The following POFUT1 variants were observed in gnomAD, a reference collection of about 807,000 sequenced individuals.
POFUT1 encodes the protein protein O-fucosyltransferase 1.
Under a neutral mutation model 42.4 loss-of-function variants are expected in POFUT1, and 16 were observed. The observed-to-expected ratio is 0.38, with a 90% confidence interval of 0.26 to 0.57. The LOEUF is 0.57. POFUT1 is among the 20% of genes least tolerant of loss of function. The pLI is 0.71. For missense variants in POFUT1, 470 were observed against 504.6 expected, an observed-to-expected ratio of 0.93 and a Z score of 0.66; for synonymous variants, 206 against 205.4, an observed-to-expected ratio of 1.00 and a Z score of -0.03.
intron 2 of POFUT1, 63 bp from the exon 3 acceptor site, chr20:32,215,201 TTTTAA>T: frequency 7.7e-7 from 1 of 1,301,796 alleles, no homozygotes; most frequent in East Asian, 2.3e-5. Flanking sequence ...GAGTGTATTG[TTTTAA>T]TAAATGTCTA....
Position 32,231,419 on chromosome 20 carries a change from C to T in POFUT1, c.978+358C>T, listed in dbSNP as rs2047443173. ...GGGTCCAAGGCTGACTCACTGTTAA[C>T]ATTCCTTGATGTCTAGCCTGGTGCT... On this transcript the variant is annotated intron_variant, in intron 6 of 6. Coordinates refer to ENST00000375749, the MANE Select transcript of POFUT1 (RefSeq NM_015352.2). The T allele has an allele frequency of 1.3e-5, 4 of 307,588 alleles. No individual in the cohort carries two copies. In the Admixed American group the frequency reaches 1.4e-4, roughly 11 times the overall value. The allele number at this position is 307,588 out of a possible 1,614,324, so 19.1% of individuals were successfully genotyped here. A position where few individuals can be genotyped will look rare whatever the true frequency, so the allele number is the denominator to read the frequency against.
chr20:32,218,402 G>A (rs1022513238), intron 4 of POFUT1, among the ~76,000 whole-genome samples: 20 of 152,172 alleles, frequency 1.3e-4, no homozygotes, highest in African/African-American at 3.9e-4. Flanking sequence ...GCCTCCCAAA[G>A]TGCTGGGATT....
chr20:32,236,582 G>A lies in POFUT1; in HGVS notation c.*1921G>A, dbSNP rs1001782811. 2.0e-5 allele frequency: 3 copies of A among 152,204 alleles called. No individual in the cohort carries two copies. Among genetic ancestry groups the A allele is most frequent in the African/African-American group, 7.2e-5 (3 of 41,446 alleles). 9.4% of individuals were successfully genotyped at this position (152,204 alleles called of 1,614,324 possible). On this transcript the variant is annotated 3_prime_UTR_variant, in exon 7 of 7. Coordinates refer to ENST00000375749, the MANE Select transcript of POFUT1 (RefSeq NM_015352.2). ...CTAGCAAAATTCAGTTGTGTTCTGT[G>A]AGCTAGCACTTTTTCCTCTGACCCA...
chr20:32,231,104 A>T, intron 6 of POFUT1, 43 bp downstream of exon 6: 1 of 1,609,940 alleles, frequency 6.2e-7, no homozygotes. Flanking sequence ...AGGGAATGAA[A>T]GGAGGAGCCA....
At chr20:32,228,219 T>C (rs758323766) in intron 4 of POFUT1, 44 bp from the exon 5 acceptor site, 1 of 1,543,182 alleles carries the variant, frequency 6.5e-7, no homozygotes. Flanking sequence ...GCAGCCAGGC[T>C]CTCTGTGCGT....
chr20:32,219,869 T>C (rs1386894839), intron 4 of POFUT1, among the ~76,000 whole-genome samples: 2 of 152,244 alleles, frequency 1.3e-5, no homozygotes, highest in Non-Finnish European at 2.9e-5. Flanking sequence ...TTTTGGGTTT[T>C]CATTTTTCCG....
intron 6 of POFUT1, 92 bp downstream of exon 6, chr20:32,231,153 C>T: frequency 1.4e-6 from 2 of 1,421,800 alleles, no homozygotes; most frequent in Non-Finnish European, 2.0e-6. Context: ...CACGGGCTCC[C>T]CTACAAGCCT....
At chr20:32,211,586 A>G (rs1232009158) in intron 2 of POFUT1, among the ~76,000 whole-genome samples, 1 of 152,114 alleles carries the variant, frequency 6.6e-6, no homozygotes, top group Non-Finnish European at 1.5e-5. Flanking sequence ...TCACTATTAC[A>G]GTGTAGACAT....
intron 2 of POFUT1, among the ~76,000 whole-genome samples, chr20:32,213,663 C>T (rs1378922002): frequency 2.6e-5 from 4 of 151,842 alleles, no homozygotes; most frequent in Non-Finnish European, 4.4e-5. Flanking sequence ...CCCAGCTACT[C>T]GGGAGGCTGA....
chr20:32,212,054 T>G (rs1255565865), intron 2 of POFUT1, among the ~76,000 whole-genome samples: 1 of 152,208 alleles, frequency 6.6e-6, no homozygotes, highest in Non-Finnish European at 1.5e-5. Flanking sequence ...GAGATGGTTA[T>G]ATTCCTACCT....
chr20:32,212,178 C>G (rs2047332751), intron 2 of POFUT1, among the ~76,000 whole-genome samples: 2 of 152,144 alleles, frequency 1.3e-5, no homozygotes, highest in African/African-American at 2.4e-5. Context: ...CTATAAATAT[C>G]TGTTGACTCC....
chr20:32,223,845 T>A, intron 4 of POFUT1: 1 of 242,164 alleles, frequency 4.1e-6, no homozygotes, highest in Non-Finnish European at 6.7e-6. Context: ...GGGTAGTAGT[T>A]AAGAACATAG....
Position 32,231,001 on chromosome 20 carries a change from C to T in POFUT1, c.918C>T (p.Val306=). 6.2e-7 allele frequency: 1 copy of T among 1,614,176 alleles called. No homozygotes were observed. The highest frequency in any genetic ancestry group is 1.3e-5 in the African/African-American group (1 of 75,050). ...LWVRSLDAQS[V]YVATDSESYV... ...TGAGGTCGCTGGATGCCCAGTCGGT[C>T]TACGTTGCTACTGATTCCGAGAGTT... Residue 306 remains valine (V), a synonymous_variant, in exon 6 of 7, where the codon GTC becomes GTT. Transcript: ENST00000375749.
rs1413092195 is a variant in POFUT1 at position 32,234,509 on chromosome 20, G to A, written c.1015G>A (p.Val339Ile). ...VVSLKPEVAQ[V>I]DLYILGQADH... ...GAGCCTGAAGCCTGAGGTGGCCCAG[G>A]TCGACCTGTACATCCTCGGCCAAGC... The change falls in exon 7 of 7, where the codon GTC (valine) becomes ATC (isoleucine). Residue 339 changes from valine to isoleucine, a missense_variant. By Grantham distance (29) the Val-to-Ile change is conservative (BLOSUM62 3). Coordinates refer to ENST00000375749, the MANE Select transcript of POFUT1 (RefSeq NM_015352.2). 2.5e-6 allele frequency: 4 copies of A among 1,613,106 alleles called. No individual in the cohort carries two copies. The East Asian group carries it at 6.7e-5, about 27-fold the overall frequency.
intron 4 of POFUT1, 107 bp downstream of exon 4, chr20:32,216,828 A>C: frequency 7.2e-7 from 1 of 1,388,048 alleles, no homozygotes; most frequent in African/African-American, 1.4e-5. Flanking sequence ...GATGTATGAG[A>C]CCAAAGGTGC....
At chr20:32,231,960 G>T (rs955643911) in intron 6 of POFUT1, among the ~76,000 whole-genome samples, 1 of 152,198 alleles carries the variant, frequency 6.6e-6, no homozygotes, top group Non-Finnish European at 1.5e-5. Flanking sequence ...GAGTGAGTAC[G>T]TATTGATAAA....
intron 2 of POFUT1, among the ~76,000 whole-genome samples, chr20:32,211,216 G>A (rs746756601): frequency 2.6e-5 from 4 of 151,950 alleles, no homozygotes; most frequent in South Asian, 2.1e-4. Flanking sequence ...GCTTATCAAC[G>A]TACAGATCCT....
intron 6 of POFUT1, among the ~76,000 whole-genome samples, chr20:32,233,985 C>T (rs1459381736): frequency 6.6e-6 from 1 of 152,090 alleles, no homozygotes; most frequent in Non-Finnish European, 1.5e-5. Flanking sequence ...GAGTTCAAGA[C>T]CAGCCTGAGC....
At chr20:32,222,431 G>A (rs1029481951) in intron 4 of POFUT1, among the ~76,000 whole-genome samples, 1 of 152,192 alleles carries the variant, frequency 6.6e-6, no homozygotes, top group African/African-American at 2.4e-5. Flanking sequence ...AGGAACAAAA[G>A]TTGCGAAAGG....
Sources: allele counts gnomAD v4.1 joint callset (sites outside exome capture counted in the v4.1 genomes callset), GRCh38; gene constraint gnomAD v4.1.1; transcripts MANE v1.5; gene names NCBI Gene and HGNC (gene_info 2026-07-23, HGNC 2026-07-21).